The following PIEZO2 variants were observed in gnomAD, a reference collection of about 807,000 sequenced individuals.
PIEZO2 encodes piezo type mechanosensitive ion channel component 2, also known as piezo-type mechanosensitive ion channel component 2.
Under a neutral mutation model 337.3 loss-of-function variants are expected in PIEZO2, and 172 were observed. The ratio of observed to expected loss-of-function variants is 0.51; its 90% CI spans 0.45 to 0.58. The LOEUF is 0.58. PIEZO2 is among the 20% of genes least tolerant of loss of function. The pLI, the probability that PIEZO2 is intolerant of heterozygous loss-of-function variation, is 0.00. For missense variants in PIEZO2, 3,028 were observed against 3,391.3 expected (o/e 0.89, Z 2.66); for synonymous variants, 1,251 against 1,228.5 (o/e 1.02, Z -0.38).
chr18:11,037,119 T>C (rs2584751), intron 2 of PIEZO2, among the ~76,000 whole-genome samples: 70,572 of 151,924 alleles, frequency 0.46, 17,491 homozygotes, highest in African/African-American at 0.64. Context: ...CACCCACCAC[T>C]GCACCTGGCT....
Position 10,670,305 on chromosome 18 carries a change from A to G in PIEZO2, c.*1222T>C, listed in dbSNP as rs1032136835. 6.6e-6 allele frequency: 1 copy of G among 152,198 alleles called. No homozygotes were observed. The highest frequency in any genetic ancestry group is 2.4e-5 in the African/African-American group (1 of 41,456). The allele number at this position is 152,198 out of a possible 1,614,324, so 9.4% of individuals were successfully genotyped here. Reference sequence around the variant, plus strand: ...CCCTGAACCCAAACTACACAGGATCAATTTTTGACATATTCTAGTCCATTC... The same window carrying G: ...CCCTGAACCCAAACTACACAGGATCGATTTTTGACATATTCTAGTCCATTC... On this transcript the variant is annotated 3_prime_UTR_variant, in exon 56 of 56. Transcript: ENST00000674853.
intron 2 of PIEZO2, among the ~76,000 whole-genome samples, chr18:11,054,729 C>T (rs989044609): frequency 6.6e-6 from 1 of 152,188 alleles, no homozygotes; most frequent in South Asian, 2.1e-4. Context: ...AACCCATAGC[C>T]CCCACCCTGT....
In PIEZO2 at chr18:10,746,210, A is replaced by C. The variant is rs891951755; in HGVS notation, c.4425-1979T>G. On this transcript the variant is annotated intron_variant, in intron 30 of 55. Coordinates refer to ENST00000674853, the MANE Select transcript of PIEZO2 (RefSeq NM_001378183.1). The surrounding 1 kb of genome is among the most constrained non-coding windows in gnomAD (Gnocchi z 4.2). ...TCCTGAAATGCAAACACGTCATATT[A>C]CTTGCTTGTTTAAACACTGCAAGGC... Among the ~76,000 whole-genome samples, 10 of 152,156 alleles carry C rather than the reference A, an allele frequency of 6.6e-5. No individual in the cohort carries two copies. Among genetic ancestry groups the C allele is most frequent in the African/African-American group, 2.4e-4 (10 of 41,440 alleles).
rs571832335 is a variant in PIEZO2 at position 10,953,429 on chromosome 18, T to A, written c.286+26106A>T. On this transcript the variant is annotated intron_variant, in intron 3 of 55. Transcript: ENST00000674853. The surrounding 1 kb of genome is among the most constrained non-coding windows in gnomAD (Gnocchi z 5.2). The stretch of plus-strand genomic sequence containing the variant: ...TTTTGAGTTAATTAATTTTTGTATA[T>A]GGAGCAAATTAAGAATTTAAGTTCT... Among the ~76,000 whole-genome samples, 3 of 152,320 alleles carry A rather than the reference T, an allele frequency of 2.0e-5. No individual in the cohort carries two copies. The highest frequency in any genetic ancestry group is 4.1e-4 in the South Asian group (2 of 4,826).
In PIEZO2 at chr18:10,809,163, A is replaced by G. The variant is rs78530708; in HGVS notation, c.918-1889T>C. ...AATGTATAGACCTAAAAAAATGAGC[A>G]GAAGCTAACCAGTAGCAGATTGTTG... On this transcript the variant is annotated intron_variant, in intron 7 of 55. Transcript: ENST00000674853. Among the ~76,000 whole-genome samples, 617 of 152,172 alleles carry G rather than the reference A, an allele frequency of 4.1e-3. 3 individuals are homozygous for G. Among genetic ancestry groups the G allele is most frequent in the African/African-American group, 0.014 (595 of 41,518 alleles).
intron 3 of PIEZO2, among the ~76,000 whole-genome samples, chr18:10,921,439 T>C (rs1458771332): frequency 6.6e-6 from 1 of 152,170 alleles, no homozygotes; most frequent in Non-Finnish European, 1.5e-5. Flanking sequence ...GTCTCTAAGC[T>C]TAAATTGTAA....
At position 11,063,734 on chromosome 18, in the gene PIEZO2, G is replaced by A. The variant is rs373020297; in HGVS notation, c.160+2393C>T. On this transcript the variant is annotated intron_variant, in intron 2 of 55. Transcript: ENST00000674853. ...TTATTGTTTCAGGTGCAGGCTGCCC[G>A]GGAGCAGGGAGTGCAGGACTTGCTG... Among the ~76,000 whole-genome samples the A allele has an allele frequency of 5.3e-5, 8 of 152,338 alleles. No homozygotes were observed. In the South Asian group the frequency reaches 1.0e-3, roughly 20 times the overall value.
chr18:10,743,177 T>C (rs2037292301), intron 31 of PIEZO2, among the ~76,000 whole-genome samples: 1 of 152,200 alleles, frequency 6.6e-6, no homozygotes, highest in South Asian at 2.1e-4. Context: ...TTATAATTTT[T>C]ATATATAACT....
At chr18:10,906,621 G>A (rs2029951793) in intron 4 of PIEZO2, among the ~76,000 whole-genome samples, 1 of 151,954 alleles carries the variant, frequency 6.6e-6, no homozygotes, top group Admixed American at 6.6e-5. Flanking sequence ...AGTGCAGAGG[G>A]GCGATTTGGG....
chr18:10,912,634 C>T (rs187046218), intron 3 of PIEZO2, among the ~76,000 whole-genome samples: 1 of 152,268 alleles, frequency 6.6e-6, no homozygotes, highest in East Asian at 1.9e-4. Context: ...GAGAACTCTG[C>T]CTCAAAGGCT....
chr18:10,762,955 A>C lies in PIEZO2; in HGVS notation c.3090T>G (p.Ile1030Met). ...VCKMLYQLQT[I>M]KPENFSVNCS... ...AGTTAACAGAGAAGTTCTCAGGCTT[A>C]ATGGTTTGGAGCTGGTACAACATTT... The change falls in exon 22 of 56, where the codon ATT (isoleucine) becomes ATG (methionine). Residue 1030 changes from isoleucine (I) to methionine (M), a missense_variant. This residue lies in a region of PIEZO2 where 1,925 missense variants were observed against 2,051.9 expected (regional missense o/e 0.94). Coordinates refer to ENST00000674853, the MANE Select transcript of PIEZO2 (RefSeq NM_001378183.1). 6.5e-7 allele frequency: 1 copy of C among 1,537,306 alleles called. No individual in the cohort carries two copies. Among genetic ancestry groups the C allele is most frequent in the African/African-American group, 1.4e-5 (1 of 73,180 alleles).
chr18:10,705,418 C>T lies in PIEZO2; in HGVS notation c.5917G>A (p.Asp1973Asn), dbSNP rs998757704. 2.7e-5 allele frequency: 41 copies of T among 1,537,142 alleles called. No individual in the cohort carries two copies. In the Admixed American group the frequency reaches 7.3e-4, roughly 27 times the overall value. The change falls in exon 41 of 56, where the codon GAC (aspartate) becomes AAC (asparagine). Residue 1973 changes from aspartate (D) to asparagine (N), a missense_variant. By Grantham distance (23) the Asp-to-Asn change is conservative. Around this residue, in one of 5 missense-constraint regions of PIEZO2, gnomAD observed 1,925 missense variants for 2,051.9 expected, o/e 0.94. Transcript: ENST00000674853. Reference protein sequence around the residue: ...GKNRMAVSPDDSRTDKLGSSI... With the variant: ...GKNRMAVSPDNSRTDKLGSSI... ...GACCCCAGCTTGTCGGTGCGGCTGT[C>T]GTCCGGGCTGACTGCCATACGGTTC...
chr18:10,699,647 A>C (rs2035250370), intron 43 of PIEZO2, among the ~76,000 whole-genome samples: 1 of 152,210 alleles, frequency 6.6e-6, no homozygotes, highest in African/African-American at 2.4e-5. Context: ...ACTAATACAC[A>C]AGAAAAGAAA....
Position 10,773,999 on chromosome 18 carries a change from G to A in PIEZO2, c.2567+7C>T, listed in dbSNP as rs1018175919. 1 of 702,912 alleles carries A rather than the reference G, an allele frequency of 1.4e-6. No individual in the cohort carries two copies. Among genetic ancestry groups the A allele is most frequent in the Non-Finnish European group, 2.6e-6 (1 of 385,028 alleles). 43.5% of individuals were successfully genotyped at this position (702,912 alleles called of 1,614,324 possible). Reference sequence around the variant, plus strand: ...CAAGCATTTCATGGCTTCACAGGGGGACTTACTCATTTTGGTGGATTGGTA... The same window carrying A: ...CAAGCATTTCATGGCTTCACAGGGGAACTTACTCATTTTGGTGGATTGGTA... On this transcript the variant is annotated splice_region_variant and intron_variant, in intron 19 of 55. Transcript: ENST00000674853. This position sits in a 1 kb window ranked among gnomAD's most constrained non-coding sequence, Gnocchi z 5.3.
chr18:10,720,305 C>CTG (rs533532890), intron 36 of PIEZO2, among the ~76,000 whole-genome samples: 3,791 of 113,548 alleles, frequency 0.033, 196 homozygotes, highest in East Asian at 0.11. Flanking sequence ...TTCTCTCTCT[C>CTG]TGTGTGTATA....
chr18:10,755,712 C>G (rs916645816), intron 27 of PIEZO2, among the ~76,000 whole-genome samples: 1 of 152,114 alleles, frequency 6.6e-6, no homozygotes, highest in Non-Finnish European at 1.5e-5. Context: ...GCTAGGGAGC[C>G]CTTGCATGGC....
intron 4 of PIEZO2, among the ~76,000 whole-genome samples, chr18:10,873,342 A>C (rs1045727577): frequency 6.6e-6 from 1 of 152,284 alleles, no homozygotes; most frequent in Non-Finnish European, 1.5e-5. Context: ...AAGGCTTCAA[A>C]AGGCAATCTA....
rs186764662 is a variant in PIEZO2, at chr18:11,032,905, G to C, written c.160+33222C>G. Among the ~76,000 whole-genome samples the C allele has an allele frequency of 6.6e-6, 1 of 152,208 alleles. No homozygotes were observed. Among genetic ancestry groups the C allele is most frequent in the African/African-American group, 2.4e-5 (1 of 41,454 alleles). On this transcript the variant is annotated intron_variant, in intron 2 of 55. Transcript: ENST00000674853. This position sits in a 1 kb window ranked among gnomAD's most constrained non-coding sequence, Gnocchi z 4.9. ...GTATCTGAGTAGCTCAGAAGACAGA[G>C]AGGAGAACATTGCTGAGGCCCTTCT...
chr18:10,992,652 C>G (rs2035154614), intron 2 of PIEZO2, among the ~76,000 whole-genome samples: 1 of 152,156 alleles, frequency 6.6e-6, no homozygotes, highest in Admixed American at 6.5e-5. Context: ...AGTTTGAAGT[C>G]AGGTACCGTG....
Sources: gnomAD v4.1 joint callset for allele counts (sites outside exome capture counted in the v4.1 genomes callset) on GRCh38, gnomAD v4.1.1 for gene constraint, gnomAD v4.1.1 regional missense constraint, Gnocchi (gnomAD v3.1) non-coding constraint, MANE v1.5 for transcripts, NCBI Gene and HGNC (gene_info 2026-07-23, HGNC 2026-07-21) for gene names.